SPAG16: variants seen among roughly 807,000 people sequenced by gnomAD.
SPAG16 encodes the protein sperm-associated antigen 16 protein.
Under a neutral mutation model 80.4 loss-of-function variants are expected in SPAG16, and 86 were observed. The observed-to-expected ratio is 1.07, with a 90% CI of 0.90 to 1.28. The LOEUF is 1.28. Among genes scored for constraint, SPAG16 ranks in the 50% most tolerant of loss-of-function variants. The probability of loss-of-function intolerance (pLI) is 0.00; values close to 1 mark genes in which losing one functional copy is unlikely to be tolerated. For synonymous variants in SPAG16, 294 were observed against 265.9 expected, an observed-to-expected ratio of 1.11 and a Z score of -1.03; for missense variants, 870 against 765.3, an observed-to-expected ratio of 1.14 and a Z score of -1.61.
intron 9 of SPAG16, among the ~76,000 whole-genome samples, chr2:213,415,583 A>C (rs12473341): frequency 6.6e-6 from 1 of 152,056 alleles, no homozygotes; most frequent in Admixed American, 6.5e-5. Flanking sequence ...TTATGGGGCA[A>C]ATCTTCATGG....
chr2:213,786,131 A>G lies in SPAG16; in HGVS notation c.1071-76354A>G, dbSNP rs555554941. On this transcript the variant is annotated intron_variant, in intron 10 of 15. Coordinates refer to ENST00000331683, the MANE Select transcript of SPAG16 (RefSeq NM_024532.5). ...TGATTAAGGATATAATATTTACTCTATTTCTCTGACTTAAAGAGGAAATAT... is the reference window on the plus strand; with the variant it reads ...TGATTAAGGATATAATATTTACTCTGTTTCTCTGACTTAAAGAGGAAATAT... Among the ~76,000 whole-genome samples, 8 of 152,128 alleles carry G rather than the reference A, an allele frequency of 5.3e-5. No homozygotes were observed. The East Asian group carries it at 5.8e-4, about 11-fold the overall frequency.
intron 15 of SPAG16, among the ~76,000 whole-genome samples, chr2:214,275,902 C>A (rs1457497599): frequency 6.6e-6 from 1 of 152,142 alleles, no homozygotes; most frequent in Non-Finnish European, 1.5e-5. Flanking sequence ...GTGTTAAGGT[C>A]TCCCATTATT....
chr2:213,444,275 A>G (rs1397385408), intron 9 of SPAG16, among the ~76,000 whole-genome samples: 1 of 152,148 alleles, frequency 6.6e-6, no homozygotes, highest in African/African-American at 2.4e-5. Flanking sequence ...ATTATAAAAA[A>G]CTGGTCCTGG....
chr2:213,816,286 A>G (rs531220333), intron 10 of SPAG16, among the ~76,000 whole-genome samples: 28 of 152,266 alleles, frequency 1.8e-4, no homozygotes, highest in African/African-American at 6.3e-4. Context: ...ATGCTTTTAT[A>G]TGAATGACTA....
chr2:213,620,523 A>G (rs1385709051), intron 10 of SPAG16, among the ~76,000 whole-genome samples: 1 of 151,742 alleles, frequency 6.6e-6, no homozygotes, highest in African/African-American at 2.4e-5. Context: ...CGATCTCTTG[A>G]CCTCGTGATC....
At chr2:214,385,877 C>G (rs1574473856) in intron 15 of SPAG16, among the ~76,000 whole-genome samples, 1 of 151,764 alleles carries the variant, frequency 6.6e-6, no homozygotes, top group East Asian at 1.9e-4. Flanking sequence ...CAAAAAAACT[C>G]TAAACTTATT....
intron 15 of SPAG16, among the ~76,000 whole-genome samples, chr2:214,234,028 C>T (rs1189460306): frequency 6.6e-6 from 1 of 151,882 alleles, no homozygotes; most frequent in Non-Finnish European, 1.5e-5. Context: ...TGATGCTCTC[C>T]CTCCTCCCAC....
intron 10 of SPAG16, chr2:213,758,065 A>G (rs2068440570): frequency 6.6e-6 from 1 of 151,566 alleles, no homozygotes; most frequent in Admixed American, 6.6e-5. Context: ...TGACTAAGTT[A>G]CTAAGTGTAA....
chr2:214,380,974 C>T (rs908611306), intron 15 of SPAG16, among the ~76,000 whole-genome samples: 39 of 152,204 alleles, frequency 2.6e-4, no homozygotes, highest in Admixed American at 6.5e-5. Context: ...ATAATCACTT[C>T]GATTTTCCTC....
At chr2:213,496,196 A>T (rs1423501179) in intron 10 of SPAG16, among the ~76,000 whole-genome samples, 2 of 152,210 alleles carry the variant, frequency 1.3e-5, no homozygotes, top group Admixed American at 6.5e-5. Flanking sequence ...GTTGACAGTG[A>T]TATAGAGGCT....
intron 12 of SPAG16, among the ~76,000 whole-genome samples, chr2:213,982,127 T>G (rs1431963128): frequency 6.7e-6 from 1 of 149,492 alleles, no homozygotes; most frequent in East Asian, 1.9e-4. Context: ...AGAGTTCTAG[T>G]TAGTACTACA....
intron 10 of SPAG16, among the ~76,000 whole-genome samples, chr2:213,770,140 A>G (rs956178014): frequency 6.6e-6 from 1 of 152,154 alleles, no homozygotes; most frequent in Admixed American, 6.6e-5. Flanking sequence ...GTTTATTTAT[A>G]TATGTGTATT....
intron 5 of SPAG16, among the ~76,000 whole-genome samples, chr2:213,331,957 T>G (rs924570326): frequency 2.0e-5 from 3 of 151,780 alleles, no homozygotes; most frequent in Non-Finnish European, 4.4e-5. Flanking sequence ...TTCAAATAAA[T>G]TACCTAATGA....
At chr2:214,133,108 A>G (rs1308877230) in intron 14 of SPAG16, among the ~76,000 whole-genome samples, 83 of 18,918 alleles carry the variant, frequency 4.4e-3, no homozygotes, top group Admixed American at 0.015. Flanking sequence ...AAATAAAATA[A>G]AAAAAATAAA....
chr2:213,952,618 A>G lies in SPAG16; in HGVS notation c.1400+22473A>G, dbSNP rs566210179. ...TCAAATTTGAAAGAGTCAGAACTAAATTAAAGATAGGCTCTGGAATAGTTT... is the reference window on the plus strand; with the variant it reads ...TCAAATTTGAAAGAGTCAGAACTAAGTTAAAGATAGGCTCTGGAATAGTTT... On this transcript the variant is annotated intron_variant, in intron 12 of 15. Transcript: ENST00000331683. Among the ~76,000 whole-genome samples the G allele has an allele frequency of 3.9e-5, 6 of 152,224 alleles. No individual in the cohort carries two copies. The East Asian group carries it at 1.2e-3, about 29-fold the overall frequency.
At chr2:213,826,050 T>C (rs1820561) in intron 10 of SPAG16, among the ~76,000 whole-genome samples, 92,576 of 151,622 alleles carry the variant, frequency 0.61, 29,815 homozygotes, top group South Asian at 0.86. Context: ...CATATAGTTG[T>C]TCATAGTATC....
chr2:214,038,837 C>A (rs1172019905), intron 13 of SPAG16, among the ~76,000 whole-genome samples: 1 of 152,062 alleles, frequency 6.6e-6, no homozygotes, highest in East Asian at 1.9e-4. Context: ...ATGATGGTTT[C>A]CAGCTTCATC....
intron 13 of SPAG16, among the ~76,000 whole-genome samples, chr2:214,021,985 A>C (rs2047891818): frequency 6.6e-6 from 1 of 152,084 alleles, no homozygotes; most frequent in Non-Finnish European, 1.5e-5. Context: ...CCATCCTTAA[A>C]GGTTCACTTC....
chr2:213,537,626 G>T (rs965797704), intron 10 of SPAG16, among the ~76,000 whole-genome samples: 1 of 152,044 alleles, frequency 6.6e-6, no homozygotes, highest in African/African-American at 2.4e-5. Context: ...GGTGTTTTTG[G>T]TTTTTGATGT....
Sources: allele counts gnomAD v4.1 joint callset (sites outside exome capture counted in the v4.1 genomes callset), GRCh38; gene constraint gnomAD v4.1.1; transcripts MANE v1.5; gene names NCBI Gene and HGNC (gene_info 2026-07-23, HGNC 2026-07-21).